ZBTB7C: variants seen among roughly 807,000 people sequenced by gnomAD.
ZBTB7C encodes the protein zinc finger and BTB domain containing 7C.
In ZBTB7C, 8 loss-of-function variants were observed where a neutral mutation model predicts 25.7. That is an observed-to-expected ratio of 0.31 (90% CI 0.18 to 0.56). ZBTB7C has a LOEUF of 0.56. Among genes scored for constraint, ZBTB7C ranks in the 20% least tolerant of loss-of-function variants. The pLI is 0.91. For synonymous variants in ZBTB7C, 394 were observed against 369.0 expected (o/e 1.07, Z -0.78); for missense variants, 824 against 855.2 (o/e 0.96, Z 0.46).
At chr18:48,169,780 T>C (rs4990603) in intron 3 of ZBTB7C, 54,054 of 152,182 alleles carry the variant, frequency 0.36, 11,226 homozygotes, top group East Asian at 0.53. Context: ...CCCTTTTTTT[T>C]CTTAAAGATA....
chr18:48,090,173 G>C (rs1349978071), intron 3 of ZBTB7C, among the ~76,000 whole-genome samples: 1 of 152,224 alleles, frequency 6.6e-6, no homozygotes, highest in African/African-American at 2.4e-5. Context: ...GATTTTCTCA[G>C]ATCATAAAAG....
chr18:48,164,540 T>TC (rs1175407537), intron 3 of ZBTB7C, among the ~76,000 whole-genome samples: 1 of 152,218 alleles, frequency 6.6e-6, no homozygotes, highest in African/African-American at 2.4e-5. Flanking sequence ...ATGGTTCAGA[T>TC]CAAGTGCTTA....
intron 2 of ZBTB7C, among the ~76,000 whole-genome samples, chr18:48,300,195 T>A (rs759003332): frequency 6.6e-6 from 1 of 152,180 alleles, no homozygotes; most frequent in Non-Finnish European, 1.5e-5. Context: ...TGAATCAGAC[T>A]CCCTCGGGGT....
At chr18:48,115,339 C>T (rs1029492109) in intron 3 of ZBTB7C, among the ~76,000 whole-genome samples, 1 of 152,196 alleles carries the variant, frequency 6.6e-6, no homozygotes, top group Non-Finnish European at 1.5e-5. Flanking sequence ...GGCTCCGCCT[C>T]CTGGGTTCAT....
chr18:48,229,065 A>C (rs1489052123), intron 2 of ZBTB7C, among the ~76,000 whole-genome samples: 2 of 152,128 alleles, frequency 1.3e-5, no homozygotes, highest in Non-Finnish European at 2.9e-5. Context: ...AAAACAAGAC[A>C]GTGCCAGATC....
At chr18:48,400,523 G>A (rs1206559394) in intron 1 of ZBTB7C, among the ~76,000 whole-genome samples, 2 of 152,054 alleles carry the variant, frequency 1.3e-5, no homozygotes, top group African/African-American at 4.8e-5. Context: ...TGCTTTTGAT[G>A]TGTCCCCACC....
chr18:48,064,603 C>T (rs899931667), intron 3 of ZBTB7C, among the ~76,000 whole-genome samples: 6 of 152,172 alleles, frequency 3.9e-5, no homozygotes, highest in African/African-American at 1.2e-4. Context: ...ATTAGCTGGG[C>T]ATGGTGGCAT....
At chr18:48,103,057 C>A (rs2144621053) in intron 3 of ZBTB7C, among the ~76,000 whole-genome samples, 2 of 143,828 alleles carry the variant, frequency 1.4e-5, no homozygotes, top group Middle Eastern at 3.6e-3. Context: ...ATATATATAT[C>A]TTGTATATAT....
chr18:48,378,835 G>T (rs2047577628), intron 1 of ZBTB7C, among the ~76,000 whole-genome samples: 1 of 152,138 alleles, frequency 6.6e-6, no homozygotes, highest in Admixed American at 6.5e-5. Context: ...TACTCAGTAG[G>T]GAGTTGGAAT....
At chr18:48,225,845 T>C (rs1267169454) in intron 2 of ZBTB7C, among the ~76,000 whole-genome samples, 6 of 152,106 alleles carry the variant, frequency 3.9e-5, no homozygotes, top group Admixed American at 3.3e-4. Flanking sequence ...CAGGTTCAAG[T>C]GATTCTCCTG....
chr18:48,407,096 A>T (rs535672545), intron 1 of ZBTB7C, among the ~76,000 whole-genome samples: 1 of 152,342 alleles, frequency 6.6e-6, no homozygotes, highest in Admixed American at 6.5e-5. Flanking sequence ...ACTCATAACA[A>T]CATTTATTCC....
chr18:48,238,997 T>C (rs1285438078), intron 2 of ZBTB7C, among the ~76,000 whole-genome samples: 1 of 152,130 alleles, frequency 6.6e-6, no homozygotes, highest in Non-Finnish European at 1.5e-5. Flanking sequence ...TGTGGGAGCT[T>C]GGTGAAGCCT....
At chr18:48,128,674 G>A (rs975430883) in intron 3 of ZBTB7C, among the ~76,000 whole-genome samples, 7 of 152,168 alleles carry the variant, frequency 4.6e-5, no homozygotes, top group African/African-American at 1.7e-4. Context: ...AAGGCATACA[G>A]AGTGGTATAA....
intron 1 of ZBTB7C, among the ~76,000 whole-genome samples, chr18:48,379,479 G>A (rs747357798): frequency 3.9e-5 from 6 of 152,068 alleles, no homozygotes; most frequent in Non-Finnish European, 7.4e-5. Context: ...GAACATGTTC[G>A]GTTTTGTTTT....
chr18:48,097,048 G>A (rs1017794542), intron 3 of ZBTB7C, among the ~76,000 whole-genome samples: 7 of 152,226 alleles, frequency 4.6e-5, no homozygotes, highest in Non-Finnish European at 2.9e-5. Flanking sequence ...CTTTTAGAGG[G>A]TCTGTCCAGC....
chr18:48,245,801 A>T (rs2043676965), intron 2 of ZBTB7C, among the ~76,000 whole-genome samples: 1 of 152,216 alleles, frequency 6.6e-6, no homozygotes, highest in African/African-American at 2.4e-5. Context: ...AAGTATCCAG[A>T]GAGATTTCAA....
At chr18:48,308,132 T>G (rs770018431) in intron 2 of ZBTB7C, among the ~76,000 whole-genome samples, 6 of 152,132 alleles carry the variant, frequency 3.9e-5, no homozygotes, top group Non-Finnish European at 7.4e-5. Context: ...TGAGTTCCCA[T>G]GTCAGCCATG....
Position 48,075,538 on chromosome 18 carries a change from C to T in ZBTB7C, c.-16-34415G>A, listed in dbSNP as rs182149421. 2.6e-4 allele frequency among the ~76,000 whole-genome samples: 40 copies of T among 152,284 alleles called. No homozygotes were observed. In the South Asian group the frequency reaches 3.7e-3, roughly 14 times the overall value. On this transcript the variant is annotated intron_variant, in intron 3 of 4. Transcript: ENST00000590800. ...TCACCGTGGGCTTGGCTGAGATCAT[C>T]GGCTTAGCGATTGCACAGTTTTGGG...
intron 1 of ZBTB7C, among the ~76,000 whole-genome samples, chr18:48,367,970 A>G (rs939179459): frequency 1.2e-5 from 1 of 82,526 alleles, no homozygotes; most frequent in Non-Finnish European, 2.7e-5. Context: ...ACTGGAGGAG[A>G]AAAAAAAAAA....
Sources: allele counts gnomAD v4.1 joint callset (sites outside exome capture counted in the v4.1 genomes callset), GRCh38; gene constraint gnomAD v4.1.1; transcripts MANE v1.5; gene names NCBI Gene and HGNC (gene_info 2026-07-23, HGNC 2026-07-21).